PAFAH1B1: variants seen among roughly 807,000 people sequenced by gnomAD.
PAFAH1B1 encodes the protein platelet activating factor acetylhydrolase 1b regulatory subunit 1.
PAFAH1B1 carries 2 observed loss-of-function variants against 57.5 expected under a neutral mutation model. That is an observed-to-expected ratio of 0.03 (90% CI 0.01 to 0.11). The LOEUF (loss-of-function observed/expected upper bound fraction) is 0.11, where lower values mean the gene tolerates loss of function less well. PAFAH1B1 is among the 10% of genes least tolerant of loss of function. The pLI is 1.00. For synonymous variants in PAFAH1B1, 152 were observed against 169.6 expected (o/e 0.90, Z 0.81); for missense variants, 257 against 512.0 (o/e 0.50, Z 4.81).
At chr17:2,641,032 A>G (rs937039076) in intron 2 of PAFAH1B1, 4 of 152,260 alleles carry the variant, frequency 2.6e-5, no homozygotes, top group Non-Finnish European at 5.9e-5. Context: ...TACAGTGGTT[A>G]TAGAGTGATG....
At position 2,670,314 on chromosome 17, in the gene PAFAH1B1, G is replaced by C; in HGVS notation, c.551G>C (p.Cys184Ser). ...CTATGGGATTTTCAGGGCTTTGAAT[G>C]CATCAGAACCATGCACGGTAAGGGG... ...IKLWDFQGFE[C>S]IRTMHGHDHN... is the part of the protein sequence containing the mutation. Residue 184 changes from cysteine to serine, a missense_variant, in exon 6 of 11, where the codon TGC becomes TCC. Cys to Ser is a moderately radical substitution (Grantham distance 112). Transcript: ENST00000397195. The C allele has an allele frequency of 6.2e-7, 1 of 1,614,012 alleles. No homozygotes were observed.
At chr17:2,665,929 T>G in intron 3 of PAFAH1B1, 87 bp from the exon 4 acceptor site, 1 of 1,251,600 alleles carries the variant, frequency 8.0e-7, no homozygotes, top group Non-Finnish European at 1.1e-6. Context: ...AGATTTTTAG[T>G]AATATTTGGA....
At chr17:2,615,456 T>C (rs973363028) in intron 1 of PAFAH1B1, among the ~76,000 whole-genome samples, 1 of 152,240 alleles carries the variant, frequency 6.6e-6, no homozygotes, top group African/African-American at 2.4e-5. Flanking sequence ...CTTTCTTTTT[T>C]TTGAGATGGA....
chr17:2,652,371 C>A (rs534516934), intron 2 of PAFAH1B1, among the ~76,000 whole-genome samples: 2 of 150,930 alleles, frequency 1.3e-5, no homozygotes, highest in African/African-American at 4.9e-5. Flanking sequence ...GCCAAGATCG[C>A]GCCACTGCAC....
intron 1 of PAFAH1B1, among the ~76,000 whole-genome samples, chr17:2,626,664 A>G (rs963523295): frequency 6.8e-6 from 1 of 146,310 alleles, no homozygotes; most frequent in African/African-American, 2.5e-5. Context: ...AAGCAATTCA[A>G]CTGCCTCAGC....
intron 5 of PAFAH1B1, among the ~76,000 whole-genome samples, chr17:2,668,772 G>A (rs563288556): frequency 4.6e-5 from 7 of 152,140 alleles, no homozygotes; most frequent in Admixed American, 6.5e-5. Flanking sequence ...TCAGGAGATC[G>A]AGACCATCCT....
intron 2 of PAFAH1B1, among the ~76,000 whole-genome samples, chr17:2,644,259 A>T (rs2151639088): frequency 6.6e-6 from 1 of 151,328 alleles, no homozygotes; most frequent in East Asian, 2.0e-4. Context: ...AAACAGTTGT[A>T]GGCTGGGCAC....
At chr17:2,605,721 C>T (rs1014962969) in intron 1 of PAFAH1B1, among the ~76,000 whole-genome samples, 2 of 152,164 alleles carry the variant, frequency 1.3e-5, no homozygotes, top group South Asian at 2.1e-4. Flanking sequence ...TCTCTGAGTT[C>T]GTAATCTTAT....
At chr17:2,627,840 A>T (rs535976951) in intron 1 of PAFAH1B1, among the ~76,000 whole-genome samples, 1 of 152,064 alleles carries the variant, frequency 6.6e-6, no homozygotes, top group African/African-American at 2.4e-5. Context: ...ATTTGTGGCT[A>T]TTGTAAAAGG....
chr17:2,593,504 G>A (rs992722238), upstream of PAFAH1B1, among the ~76,000 whole-genome samples: 9 of 151,254 alleles, frequency 6.0e-5, no homozygotes, highest in African/African-American at 2.2e-4. Flanking sequence ...AAGGCAGCGC[G>A]GCCCCGGCCC....
At chr17:2,670,446 G>A (rs1181125047) in intron 6 of PAFAH1B1, 115 bp downstream of exon 6, 2 of 1,006,574 alleles carry the variant, frequency 2.0e-6, no homozygotes, top group South Asian at 1.3e-5. Context: ...GTCAGTATTG[G>A]TGGAAGAGCA....
At chr17:2,620,896 A>C (rs1437246187) in intron 1 of PAFAH1B1, among the ~76,000 whole-genome samples, 1 of 152,182 alleles carries the variant, frequency 6.6e-6, no homozygotes, top group African/African-American at 2.4e-5. Flanking sequence ...TCTAACTGAA[A>C]TTCAGATTTT....
intron 1 of PAFAH1B1, among the ~76,000 whole-genome samples, chr17:2,626,144 C>T (rs1177625125): frequency 4.0e-5 from 6 of 151,862 alleles, no homozygotes; most frequent in Admixed American, 1.3e-4. Context: ...ATACCAGCTA[C>T]TCGGGAGGCT....
chr17:2,655,541 G>A (rs1186276587), intron 2 of PAFAH1B1, among the ~76,000 whole-genome samples: 1 of 152,164 alleles, frequency 6.6e-6, no homozygotes, highest in African/African-American at 2.4e-5. Flanking sequence ...GGGTGTGGTG[G>A]CACATGCCTG....
At chr17:2,635,751 A>G (rs182393039) in intron 1 of PAFAH1B1, among the ~76,000 whole-genome samples, 5 of 152,170 alleles carry the variant, frequency 3.3e-5, no homozygotes, top group Admixed American at 2.6e-4. Flanking sequence ...TATACATAAT[A>G]TAGTGGGGGT....
chr17:2,667,353 A>C (rs775604773), intron 5 of PAFAH1B1, 155 bp downstream of exon 5: 10 of 631,014 alleles, frequency 1.6e-5, no homozygotes, highest in Admixed American at 1.3e-4. Context: ...AAGCAGACTT[A>C]ATAGGGTGAA....
rs1478297734 is a variant in PAFAH1B1 at position 2,680,275 on chromosome 17, T to A, written c.1114T>A (p.Cys372Ser). The A allele has an allele frequency of 6.2e-7, 1 of 1,614,122 alleles. No individual in the cohort carries two copies. Among genetic ancestry groups the A allele is most frequent in the East Asian group, 2.2e-5 (1 of 44,882 alleles). Residue 372 changes from cysteine to serine, a missense_variant, in exon 10 of 11, where the codon TGC becomes AGC. Physicochemically the swap from Cys to Ser is moderately radical, Grantham distance 112. Coordinates refer to ENST00000397195, the MANE Select transcript of PAFAH1B1 (RefSeq NM_000430.4). ...LRVWDYKNKR[C>S]MKTLNAHEHF... Reference sequence around the variant, plus strand: ...CGTATGGGATTACAAGAACAAGCGATGCATGAAGACCCTCAATGCGCATGA... The same window carrying A: ...CGTATGGGATTACAAGAACAAGCGAAGCATGAAGACCCTCAATGCGCATGA...
At chr17:2,657,973 A>C (rs957109373) in intron 2 of PAFAH1B1, among the ~76,000 whole-genome samples, 1 of 152,222 alleles carries the variant, frequency 6.6e-6, no homozygotes, top group African/African-American at 2.4e-5. Context: ...TGTATTGTGT[A>C]TCTTTCCTAT....
At chr17:2,665,534 C>T (rs1379275144) in intron 3 of PAFAH1B1, 78 bp downstream of exon 3, 3 of 844,910 alleles carry the variant, frequency 3.6e-6, no homozygotes, top group Non-Finnish European at 6.1e-6. Context: ...AACAGTTACG[C>T]ACAATTTTGT....
Sources: gnomAD v4.1 joint callset for allele counts (sites outside exome capture counted in the v4.1 genomes callset) on GRCh38, gnomAD v4.1.1 for gene constraint, MANE v1.5 for transcripts, NCBI Gene and HGNC (gene_info 2026-07-23, HGNC 2026-07-21) for gene names.